Variants in DYNC2H1 observed in about 807,000 individuals in gnomAD.
DYNC2H1 encodes the protein dynein cytoplasmic 2 heavy chain 1.
In DYNC2H1, 410 loss-of-function variants were observed where a neutral mutation model predicts 570.0. The observed-to-expected ratio is 0.72, with a 90% CI of 0.66 to 0.78. The LOEUF is 0.78. Ranked by LOEUF, DYNC2H1 falls within the 30% of genes least tolerant of loss-of-function variation. DYNC2H1 has a pLI of 0.00. For missense variants in DYNC2H1, 4,865 were observed against 5,046.4 expected (o/e 0.96, Z 1.09); for synonymous variants, 1,688 against 1,677.6 (o/e 1.01, Z -0.15).
chr11:103,419,859 A>T (rs1365272204), intron 84 of DYNC2H1, among the ~76,000 whole-genome samples: 1 of 152,148 alleles, frequency 6.6e-6, no homozygotes, highest in Non-Finnish European at 1.5e-5. Context: ...AGCATGTTAT[A>T]ATCCAATGCA....
intron 77 of DYNC2H1, 94 bp downstream of exon 77, chr11:103,304,814 A>G (rs959654071): frequency 4.0e-6 from 5 of 1,241,198 alleles, no homozygotes; most frequent in Non-Finnish European, 5.3e-6. Flanking sequence ...ATTATTTATG[A>G]TGATTTAAAA....
rs1938077540 is a variant in DYNC2H1, at chr11:103,319,938, G to A, written c.11726-1091G>A. Among the ~76,000 whole-genome samples the A allele has an allele frequency of 1.3e-5, 2 of 152,112 alleles. No individual in the cohort carries two copies. Among genetic ancestry groups the A allele is most frequent in the African/African-American group, 4.8e-5 (2 of 41,436 alleles). ...AACAACTTTATTCTTCCACTATATA[G>A]GTCCCCTTATCCTGCAGGAGGCAAC... On this transcript the variant is annotated intron_variant, in intron 80 of 88. Coordinates refer to ENST00000375735, the MANE Select transcript of DYNC2H1 (RefSeq NM_001377.3). This position sits in a 1 kb window ranked among gnomAD's most constrained non-coding sequence, Gnocchi z 4.3.
intron 83 of DYNC2H1, among the ~76,000 whole-genome samples, chr11:103,383,663 AC>A (rs1356716103): frequency 1.2e-5 from 1 of 82,080 alleles, no homozygotes; most frequent in Non-Finnish European, 2.9e-5. Context: ...TTTAGTAGGG[AC>A]GGGGTTTCAC....
chr11:103,134,494 CCGAG>C, intron 15 of DYNC2H1, 75 bp downstream of exon 15: 3 of 1,164,736 alleles, frequency 2.6e-6, no homozygotes, highest in Non-Finnish European at 3.5e-6. Context: ...ATATGAATTG[CCGAG>C]AAGTTCATAA....
At chr11:103,187,263 G>C in intron 42 of DYNC2H1, 77 bp from the exon 43 acceptor site, 1 of 1,557,072 alleles carries the variant, frequency 6.4e-7, no homozygotes, top group Non-Finnish European at 8.7e-7. Context: ...TTATGAGATA[G>C]AAATTTCTTA....
intron 88 of DYNC2H1, among the ~76,000 whole-genome samples, chr11:103,476,388 T>TA (rs542425610): frequency 6.6e-4 from 100 of 152,304 alleles, no homozygotes; most frequent in Non-Finnish European, 1.1e-3. Context: ...AGATATTTGA[T>TA]ATGTGTGTAT....
chr11:103,234,177 G>T lies in DYNC2H1; in HGVS notation c.9567+17G>T. 1.3e-6 allele frequency: 2 copies of T among 1,576,724 alleles called. No homozygotes were observed. Among genetic ancestry groups the T allele is most frequent in the Admixed American group, 1.8e-5 (1 of 54,836 alleles). On this transcript the variant is annotated intron_variant, in intron 61 of 88. Coordinates refer to ENST00000375735, the MANE Select transcript of DYNC2H1 (RefSeq NM_001377.3). ...AATGCACAGGTTTGTTTGAGAGAGG[G>T]GCCATGAGGAGTCTACCTTTAAACT...
chr11:103,419,330 C>T (rs1175476096), intron 84 of DYNC2H1, among the ~76,000 whole-genome samples: 2 of 152,294 alleles, frequency 1.3e-5, no homozygotes, highest in East Asian at 3.9e-4. Context: ...TTCCTCCTGA[C>T]TGGATGAGAC....
rs17100159 is a variant in DYNC2H1, at chr11:103,239,269, A to G, written c.9819+2730A>G. On this transcript the variant is annotated intron_variant, in intron 63 of 88. Transcript: ENST00000375735. This position sits in a 1 kb window ranked among gnomAD's most constrained non-coding sequence, Gnocchi z 4.3. ...CTTTTGGTATATGCTGAGGAAATGC[A>G]AACTAATGTGATACTAGTCTAAGAA... Among the ~76,000 whole-genome samples the G allele has an allele frequency of 0.023, 3,470 of 152,228 alleles. 116 individuals are homozygous for G. Among genetic ancestry groups the G allele is most frequent in the African/African-American group, 0.078 (3,222 of 41,522 alleles).
In DYNC2H1 at chr11:103,189,654, A is replaced by C; in HGVS notation, c.7293-18A>C. The stretch of plus-strand genomic sequence containing the variant: ...ACTGATTTATTTCAGCTTTCTTCTT[A>C]TATGCCATTTTTTTTAGTTACCCAG... On this transcript the variant is annotated intron_variant, in intron 44 of 88. Coordinates refer to ENST00000375735, the MANE Select transcript of DYNC2H1 (RefSeq NM_001377.3). The surrounding 1 kb of genome is among the most constrained non-coding windows in gnomAD (Gnocchi z 4.3). 6.2e-7 allele frequency: 1 copy of C among 1,608,928 alleles called. No homozygotes were observed. The highest frequency in any genetic ancestry group is 8.5e-7 in the Non-Finnish European group (1 of 1,177,462).
chr11:103,214,568 C>A (rs976184246), intron 54 of DYNC2H1, among the ~76,000 whole-genome samples: 6 of 151,218 alleles, frequency 4.0e-5, no homozygotes, highest in Admixed American at 2.0e-4. Flanking sequence ...CCTCAGCCTC[C>A]CGAGTAGCTG....
In DYNC2H1 at chr11:103,324,016, C is replaced by CA. The variant is rs1565495651; in HGVS notation, c.12039+33dup. 1.0e-5 allele frequency: 16 copies of CA among 1,559,608 alleles called. No individual in the cohort carries two copies. Among genetic ancestry groups the CA allele is most frequent in the South Asian group, 6.3e-5 (5 of 79,580 alleles). On this transcript the variant is annotated intron_variant, in intron 82 of 88. Transcript: ENST00000375735. This position sits in a 1 kb window ranked among gnomAD's most constrained non-coding sequence, Gnocchi z 5.2. ...GTAACCTAAAAAAAAGATCTACCTT[C>CA]AAAAAAAGTTGCTAGTGAGCCTGAA... is the stretch of plus-strand genomic sequence containing the variant.
intron 17 of DYNC2H1, among the ~76,000 whole-genome samples, chr11:103,140,999 G>A (rs1382801125): frequency 4.0e-5 from 6 of 151,854 alleles, no homozygotes; most frequent in Middle Eastern, 3.4e-3. Context: ...TGATCGCATC[G>A]GCTCCTGAGG....
intron 55 of DYNC2H1, among the ~76,000 whole-genome samples, chr11:103,216,305 T>C (rs646083): frequency 0.93 from 141,872 of 152,198 alleles, 66,159 homozygotes; most frequent in African/African-American, 0.94. Flanking sequence ...ATTTTTTGAG[T>C]GGTTGCCTTT....
chr11:103,376,103 C>T lies in DYNC2H1; in HGVS notation c.12156+17744C>T, dbSNP rs934116243. 4.6e-5 allele frequency among the ~76,000 whole-genome samples: 7 copies of T among 152,106 alleles called. No homozygotes were observed. In the East Asian group the frequency reaches 5.8e-4, roughly 13 times the overall value. On this transcript the variant is annotated intron_variant, in intron 83 of 88. Coordinates refer to ENST00000375735, the MANE Select transcript of DYNC2H1 (RefSeq NM_001377.3). ...TCATATGATCTGATGGTTTTATAAG[C>T]GTCTGGCATTTCCCCTGCTGGCACT...
intron 18 of DYNC2H1, among the ~76,000 whole-genome samples, chr11:103,146,495 G>A (rs761555356): frequency 2.6e-5 from 4 of 152,134 alleles, no homozygotes; most frequent in Non-Finnish European, 5.9e-5. Flanking sequence ...TTTATAAATT[G>A]TTTTAAATGT....
In DYNC2H1 at chr11:103,192,150, C is replaced by T. The variant is rs1350329646; in HGVS notation, c.7594C>T (p.Arg2532Trp). Residue 2532 changes from arginine (R) to tryptophan (W), a missense_variant, in exon 47 of 89, where the codon CGG (arginine) becomes TGG (tryptophan). Coordinates refer to ENST00000375735, the MANE Select transcript of DYNC2H1 (RefSeq NM_001377.3). Reference sequence around the variant, plus strand: ...GTTAGAAATTGTAGCATATGAGGCACGGCGCTTATTTCGTGACAAAATTGT... The same window carrying T: ...GTTAGAAATTGTAGCATATGAGGCATGGCGCTTATTTCGTGACAAAATTGT... ...YVLEIVAYEA[R>W]RLFRDKIVGA... The T allele has an allele frequency of 1.9e-5, 29 of 1,564,434 alleles. No individual in the cohort carries two copies. The highest frequency in any genetic ancestry group is 1.7e-4 in the Middle Eastern group (1 of 5,972).
At chr11:103,438,089 C>A (rs1944126238) in intron 85 of DYNC2H1, among the ~76,000 whole-genome samples, 1 of 152,084 alleles carries the variant, frequency 6.6e-6, no homozygotes. Context: ...TCCTAACCCT[C>A]AAGATAATGT....
intron 71 of DYNC2H1, among the ~76,000 whole-genome samples, chr11:103,281,131 T>C (rs1415894100): frequency 1.3e-5 from 2 of 152,106 alleles, no homozygotes; most frequent in Admixed American, 6.5e-5. Context: ...TTAGTCAAAT[T>C]TTAACTATTT....
Sources: gnomAD v4.1 joint callset for allele counts (sites outside exome capture counted in the v4.1 genomes callset) on GRCh38, gnomAD v4.1.1 for gene constraint, Gnocchi (gnomAD v3.1) non-coding constraint, MANE v1.5 for transcripts, NCBI Gene and HGNC (gene_info 2026-07-23, HGNC 2026-07-21) for gene names.